SLC4A3: variants seen among roughly 807,000 people sequenced by gnomAD.
SLC4A3 encodes anion exchange protein 3.
SLC4A3 carries 47 observed loss-of-function variants against 114.2 expected under a neutral mutation model. The ratio of observed to expected loss-of-function variants is 0.41; its 90% confidence interval spans 0.33 to 0.52. The LOEUF (loss-of-function observed/expected upper bound fraction) is 0.52. Among genes scored for constraint, SLC4A3 ranks in the 20% least tolerant of loss-of-function variants. SLC4A3 has a pLI of 0.21. For synonymous variants in SLC4A3, 693 were observed against 710.3 expected (o/e 0.98, Z 0.39); for missense variants, 1,312 against 1,668.3 (o/e 0.79, Z 3.72).
chr2:219,631,625 G>A lies in SLC4A3; in HGVS notation c.812-343G>A, dbSNP rs1229970386. On this transcript the variant is annotated intron_variant, in intron 6 of 22. Coordinates refer to ENST00000358055, the MANE Select transcript of SLC4A3 (RefSeq NM_005070.4). This position sits in a 1 kb window ranked among gnomAD's most constrained non-coding sequence, Gnocchi z 6.3. ...AAATGTTGGGGGCTCAGTGCCTGGG[G>A]ACTCTGACTCAGTGCCTGTCATGGG... is the stretch of plus-strand genomic sequence containing the variant. Among the ~76,000 whole-genome samples, 1 of 152,136 alleles carries A rather than the reference G, an allele frequency of 6.6e-6. No individual in the cohort carries two copies. The highest frequency in any genetic ancestry group is 2.4e-5 in the African/African-American group (1 of 41,418).
Position 219,633,972 on chromosome 2 carries a change from G to A in SLC4A3, c.1554G>A (p.Val518=). ...KIPEDAEATV[V]LVGCVPFLEQ... is the part of the protein sequence containing the mutation. Reference sequence around the variant, plus strand: ...CTGAAGATGCTGAGGCCACGGTTGTGCTTGTGGGTGAGGAGGGCCGGGCGC... The same window carrying A: ...CTGAAGATGCTGAGGCCACGGTTGTACTTGTGGGTGAGGAGGGCCGGGCGC... Residue 518 remains valine, a synonymous_variant, in exon 11 of 23, where the codon GTG becomes GTA. Transcript: ENST00000358055. 6.4e-7 allele frequency: 1 copy of A among 1,553,410 alleles called. No individual in the cohort carries two copies. The highest frequency in any genetic ancestry group is 8.7e-7 in the Non-Finnish European group (1 of 1,147,786).
Position 219,627,750 on chromosome 2 carries a change from CGCGGG to C in SLC4A3, c.-94+13_-94+17del. The C allele has an allele frequency of 6.2e-6, 2 of 321,500 alleles. No individual in the cohort carries two copies. Among genetic ancestry groups the C allele is most frequent in the Non-Finnish European group, 1.1e-5 (2 of 177,496 alleles). The allele number at this position is 321,500 out of a possible 1,614,324, so 19.9% of individuals were successfully genotyped here. On this transcript the variant is annotated splice_donor_region_variant and intron_variant, in intron 1 of 22. Coordinates refer to ENST00000358055, the MANE Select transcript of SLC4A3 (RefSeq NM_005070.4). ...CGCAGGCTCCGGAGCCCCGAGGTAC[CGCGGG>C]GCGGGGCACGCCGGGCAGGGCGGGG...
chr2:219,628,376 T>C lies in SLC4A3; in HGVS notation c.52-29T>C, dbSNP rs372337328. The stretch of plus-strand genomic sequence containing the variant: ...GTGTGGGGCCTTCATGGGTCAGGGG[T>C]CCTTAGCAGAGGCCGTCTGGGCCTG... On this transcript the variant is annotated intron_variant, in intron 2 of 22. Transcript: ENST00000358055. The surrounding 1 kb of genome is among the most constrained non-coding windows in gnomAD (Gnocchi z 4.8). 3.2e-6 allele frequency: 5 copies of C among 1,585,936 alleles called. No homozygotes were observed. Among genetic ancestry groups the C allele is most frequent in the Non-Finnish European group, 8.6e-7 (1 of 1,167,958 alleles).
intron 13 of SLC4A3, 77 bp from the exon 14 acceptor site, chr2:219,635,596 C>T (rs1039248033): frequency 6.8e-7 from 1 of 1,474,468 alleles, no homozygotes. Context: ...GAGTCCTTTG[C>T]ATCCCTGATC....
chr2:219,631,943 A>AC lies in SLC4A3; in HGVS notation c.812-20dup, dbSNP rs35128899. ...CGAGGGCCCCAGCTGGACCTGTGGG[A>AC]CCCCCAAGCCCATCTTCTCTGCAGG... On this transcript the variant is annotated intron_variant, in intron 6 of 22. Transcript: ENST00000358055. The surrounding 1 kb of genome is among the most constrained non-coding windows in gnomAD (Gnocchi z 6.3). 6.4e-7 allele frequency: 1 copy of AC among 1,561,622 alleles called. No individual in the cohort carries two copies. The highest frequency in any genetic ancestry group is 8.7e-7 in the Non-Finnish European group (1 of 1,154,364).
Position 219,636,527 on chromosome 2 carries a change from C to T in SLC4A3, c.2340+77C>T, listed in dbSNP as rs1699124602. On this transcript the variant is annotated intron_variant, in intron 15 of 22. Coordinates refer to ENST00000358055, the MANE Select transcript of SLC4A3 (RefSeq NM_005070.4). This position sits in a 1 kb window ranked among gnomAD's most constrained non-coding sequence, Gnocchi z 5.5. Reference sequence around the variant, plus strand: ...ACCTACATCCTGCCCCACACTCTTCCTTACCTACATCCTGCCCCACACTCT... The same window carrying T: ...ACCTACATCCTGCCCCACACTCTTCTTTACCTACATCCTGCCCCACACTCT... The T allele has an allele frequency of 6.6e-7, 1 of 1,513,622 alleles. No homozygotes were observed. The highest frequency in any genetic ancestry group is 1.4e-5 in the African/African-American group (1 of 71,642). The allele number at this position is 1,513,622 out of a possible 1,614,324, so 93.8% of individuals were successfully genotyped here. A position where few individuals can be genotyped will look rare whatever the true frequency, so the allele number is the denominator to read the frequency against.
At chr2:219,634,107 G>T in intron 11 of SLC4A3, 128 bp downstream of exon 11, 1 of 1,140,674 alleles carries the variant, frequency 8.8e-7, no homozygotes, top group East Asian at 2.6e-5. Context: ...CCTGGTCCCT[G>T]CTCTTCCTCA....
chr2:219,628,095 A>G lies in SLC4A3; in HGVS notation c.51+52A>G, dbSNP rs1250227162. The G allele has an allele frequency of 1.1e-5, 15 of 1,415,286 alleles. No homozygotes were observed. Among genetic ancestry groups the G allele is most frequent in the Admixed American group, 2.5e-5 (1 of 40,180 alleles). The allele number at this position is 1,415,286 out of a possible 1,614,324, so 87.7% of individuals were successfully genotyped here. On this transcript the variant is annotated intron_variant, in intron 2 of 22. Coordinates refer to ENST00000358055, the MANE Select transcript of SLC4A3 (RefSeq NM_005070.4). This position sits in a 1 kb window ranked among gnomAD's most constrained non-coding sequence, Gnocchi z 4.8. ...AGAGATGGGGGAGGAGAGGGGAGGG[A>G]CCTTAGGGTGGGCAGAGGAGTCCTC...
At position 219,635,703 on chromosome 2, in the gene SLC4A3, C is replaced by T. The variant is rs772630989; in HGVS notation, c.2003C>T (p.Ala668Val). 2.6e-5 allele frequency: 41 copies of T among 1,592,356 alleles called. No homozygotes were observed. In the Admixed American group the frequency reaches 5.8e-4, roughly 22 times the overall value. Residue 668 changes from alanine to valine, a missense_variant, in exon 14 of 23, where the codon GCA becomes GTA. Around this residue, in one of 4 missense-constraint regions of SLC4A3, gnomAD observed 771 missense variants for 977.7 expected, o/e 0.79. Transcript: ENST00000358055. Reference protein sequence around the residue: ...ELSLELGGSEATPEDDPLLRT... With the variant: ...ELSLELGGSEVTPEDDPLLRT... Reference sequence around the variant, plus strand: ...TCTTTGGAGTTGGGGGGCTCTGAGGCAACCCCTGAAGATGACCCCTTGCTG... The same window carrying T: ...TCTTTGGAGTTGGGGGGCTCTGAGGTAACCCCTGAAGATGACCCCTTGCTG...
At position 219,632,676 on chromosome 2, in the gene SLC4A3, G is replaced by A. The variant is rs898836076; in HGVS notation, c.1142-198G>A. On this transcript the variant is annotated intron_variant, in intron 8 of 22. Transcript: ENST00000358055. ...CCCTTCCTTGGTGGGGAGGGGCCGT[G>A]CCCTCGTTTCCATGCTCCATTTTCA... Among the ~76,000 whole-genome samples, 8 of 152,342 alleles carry A rather than the reference G, an allele frequency of 5.3e-5. No individual in the cohort carries two copies. The South Asian group carries it at 1.4e-3, about 28-fold the overall frequency.
chr2:219,631,890 T>TCGGGC lies in SLC4A3; in HGVS notation c.812-78_812-77insCGGGC. The stretch of plus-strand genomic sequence containing the variant: ...CTGTAGAGCTCACCAAGTAGATGGG[T>TCGGGC]TGGGCAGAAGGAGCTGGGCCGTGAC... On this transcript the variant is annotated intron_variant, in intron 6 of 22. Transcript: ENST00000358055. This position sits in a 1 kb window ranked among gnomAD's most constrained non-coding sequence, Gnocchi z 6.3. 6.8e-7 allele frequency: 1 copy of TCGGGC among 1,474,492 alleles called. No individual in the cohort carries two copies. The highest frequency in any genetic ancestry group is 1.4e-5 in the African/African-American group (1 of 70,846). 91.3% of individuals were successfully genotyped at this position (1,474,492 alleles called of 1,614,324 possible). A position where few individuals can be genotyped will look rare whatever the true frequency, so the allele number is the denominator to read the frequency against.
chr2:219,632,917 T>C lies in SLC4A3; in HGVS notation c.1185T>C (p.Ile395=). Reference sequence around the variant, plus strand: ...TGGAGCAAACCACCCTGCCAGGCATTGCACACCTCGTGGTGGAGACCATGA... The same window carrying C: ...TGGAGCAAACCACCCTGCCAGGCATCGCACACCTCGTGGTGGAGACCATGA... ...LDLEQTTLPG[I]AHLVVETMIV... Residue 395 remains isoleucine (I), a synonymous_variant, in exon 9 of 23, where the codon ATT becomes ATC. Coordinates refer to ENST00000358055, the MANE Select transcript of SLC4A3 (RefSeq NM_005070.4). 1 of 1,614,134 alleles carries C rather than the reference T, an allele frequency of 6.2e-7. No individual in the cohort carries two copies.
At chr2:219,640,377 C>T in intron 20 of SLC4A3, 53 bp from the exon 21 acceptor site, 4 of 1,569,618 alleles carry the variant, frequency 2.5e-6, no homozygotes, top group Non-Finnish European at 3.5e-6. Context: ...CAGGCCTGTC[C>T]ATCCTCACGG....
In SLC4A3 at chr2:219,635,781, C is replaced by A; in HGVS notation, c.2081C>A (p.Pro694Gln). 1 of 1,593,540 alleles carries A rather than the reference C, an allele frequency of 6.3e-7. No homozygotes were observed. The highest frequency in any genetic ancestry group is 8.5e-7 in the Non-Finnish European group (1 of 1,172,400). ...GTGCGGGATGTGAGGCGCCGGTACC[C>A]GCACTACCCCAGTGACCTGCGAGAT... The part of the protein sequence containing the change: ...GLVRDVRRRY[P>Q]HYPSDLRDAL... Residue 694 changes from proline to glutamine, a missense_variant, in exon 14 of 23, where the codon CCG becomes CAG. Physicochemically the swap from Pro to Gln is moderately conservative, Grantham distance 76. Around this residue, in one of 4 missense-constraint regions of SLC4A3, gnomAD observed 771 missense variants for 977.7 expected, o/e 0.79. Transcript: ENST00000358055.
At chr2:219,634,083 C>T (rs1699035571) in intron 11 of SLC4A3, 104 bp downstream of exon 11, 1 of 1,321,070 alleles carries the variant, frequency 7.6e-7, no homozygotes, top group Non-Finnish European at 1.0e-6. Context: ...CTTCCATCTC[C>T]CTCCAGGCTC....
intron 13 of SLC4A3, 62 bp from the exon 14 acceptor site, chr2:219,635,611 C>T (rs1452120020): frequency 3.4e-6 from 5 of 1,490,004 alleles, no homozygotes; most frequent in Non-Finnish European, 4.6e-6. Context: ...CTGATCCCAA[C>T]AGCCCGGGGC....
chr2:219,632,591 C>G (rs915626826), intron 8 of SLC4A3, 149 bp downstream of exon 8: 3 of 1,001,170 alleles, frequency 3.0e-6, no homozygotes, highest in Non-Finnish European at 1.4e-6. Flanking sequence ...CCTGGGCAGC[C>G]CGTGAGCCCC....
Position 219,628,427 on chromosome 2 carries a change from C to G in SLC4A3, c.74C>G (p.Pro25Arg), listed in dbSNP as rs200942352. Residue 25 changes from proline (P) to arginine (R), a missense_variant, in exon 3 of 23, where the codon CCC becomes CGC. This residue lies in a region of SLC4A3 where 236 missense variants were observed against 212.1 expected (regional missense o/e 1.11). Transcript: ENST00000358055. The surrounding 1 kb of genome is among the most constrained non-coding windows in gnomAD (Gnocchi z 4.8). ...CAGGTCCGGGTGCCCTTGGAGGAGC[C>G]CCCTCTAAGTCCAGACGTGGAGGAG... ...LPQVRVPLEE[P>R]PLSPDVEEED... is the part of the protein sequence containing the mutation. 226 of 1,612,746 alleles carry G rather than the reference C, an allele frequency of 1.4e-4. No homozygotes were observed. The highest frequency in any genetic ancestry group is 1.8e-4 in the Non-Finnish European group (214 of 1,179,612).
rs1246556348 is a variant in SLC4A3 at position 219,629,586 on chromosome 2, A to G, written c.502A>G (p.Ile168Val). Residue 168 changes from isoleucine (I) to valine (V), a missense_variant, in exon 5 of 23, where the codon ATT becomes GTT. Ile to Val is a conservative substitution (Grantham distance 29). Transcript: ENST00000358055. ...SGTPQKAKFS[I>V]GSDEDDSPGL... ...GCACATTCTATGTCTGCAGTTCTCC[A>G]TTGGAAGTGACGAGGATGACAGTCC... The G allele has an allele frequency of 6.2e-7, 1 of 1,611,726 alleles. No individual in the cohort carries two copies.
Sources: allele counts gnomAD v4.1 joint callset (sites outside exome capture counted in the v4.1 genomes callset), GRCh38; gene constraint gnomAD v4.1.1; regional missense constraint gnomAD v4.1.1; non-coding constraint Gnocchi (gnomAD v3.1); transcripts MANE v1.5; gene names NCBI Gene and HGNC (gene_info 2026-07-23, HGNC 2026-07-21).